Variants in SIPA1L1 observed in about 807,000 individuals in gnomAD.
SIPA1L1 encodes the protein signal induced proliferation associated 1 like 1.
In SIPA1L1, 26 loss-of-function variants were observed where a neutral mutation model predicts 162.7. The observed-to-expected ratio is 0.16, with a 90% CI of 0.12 to 0.22. SIPA1L1 has a LOEUF of 0.22. SIPA1L1 is among the 10% of genes least tolerant of loss of function. The pLI is 1.00. For synonymous variants in SIPA1L1, 829 were observed against 837.4 expected (o/e 0.99, Z 0.17); for missense variants, 1,874 against 2,241.0 (o/e 0.84, Z 3.31).
intron 2 of SIPA1L1, among the ~76,000 whole-genome samples, chr14:71,510,177 C>CTTTTTTTTTT (rs985233367): frequency 2.3e-3 from 181 of 77,498 alleles, no homozygotes; most frequent in East Asian, 3.7e-3. Context: ...TCCCCCCCAC[C>CTTTTTTTTTT]TTTTTTTTTT....
intron 2 of SIPA1L1, among the ~76,000 whole-genome samples, chr14:71,496,693 T>G (rs2049809983): frequency 6.6e-6 from 1 of 152,112 alleles, no homozygotes; most frequent in Admixed American, 6.6e-5. Flanking sequence ...GAGTGGAGTT[T>G]TGAAGTCTTC....
intron 2 of SIPA1L1, among the ~76,000 whole-genome samples, chr14:71,391,657 A>G (rs1361884591): frequency 1.3e-5 from 2 of 152,210 alleles, no homozygotes; most frequent in East Asian, 1.9e-4. Context: ...TAATGTGCCT[A>G]TGGTACTCTA....
intron 2 of SIPA1L1, among the ~76,000 whole-genome samples, chr14:71,473,294 A>G (rs1409419383): frequency 1.3e-5 from 2 of 152,200 alleles, no homozygotes; most frequent in African/African-American, 4.8e-5. Context: ...AACATAATAT[A>G]TAACTGTAAG....
At chr14:71,684,965 T>C (rs564672949) in intron 12 of SIPA1L1, among the ~76,000 whole-genome samples, 210 of 151,488 alleles carry the variant, frequency 1.4e-3, no homozygotes, top group Non-Finnish European at 2.5e-3. Flanking sequence ...AGAACCCAGT[T>C]GTGGTGTGCA....
chr14:71,350,373 A>G (rs574657037), intron 2 of SIPA1L1, among the ~76,000 whole-genome samples: 16 of 152,106 alleles, frequency 1.1e-4, no homozygotes, highest in South Asian at 4.1e-4. Context: ...GCACCACTGC[A>G]TTCCAGCCTG....
At chr14:71,675,409 A>G (rs1300190570) in intron 12 of SIPA1L1, among the ~76,000 whole-genome samples, 1 of 152,252 alleles carries the variant, frequency 6.6e-6, no homozygotes, top group South Asian at 2.1e-4. Context: ...TACAGTTTCC[A>G]TCTGAAAAGC....
intron 2 of SIPA1L1, among the ~76,000 whole-genome samples, chr14:71,434,912 A>G (rs1487044600): frequency 6.6e-6 from 1 of 152,210 alleles, no homozygotes; most frequent in Non-Finnish European, 1.5e-5. Context: ...TTATTTTTAC[A>G]CAAATGGTAG....
At chr14:71,448,964 A>G (rs1405705547) in intron 2 of SIPA1L1, 1 of 152,310 alleles carries the variant, frequency 6.6e-6, no homozygotes, top group Admixed American at 6.5e-5. Context: ...TCTCTTTAAA[A>G]GAATTGTTTT....
intron 2 of SIPA1L1, among the ~76,000 whole-genome samples, chr14:71,405,305 A>T (rs1244083729): frequency 6.6e-6 from 1 of 152,246 alleles, no homozygotes; most frequent in Non-Finnish European, 1.5e-5. Flanking sequence ...AACTTGGCTC[A>T]TTGGAAGGCA....
At chr14:71,444,224 G>A (rs578194760) in intron 2 of SIPA1L1, among the ~76,000 whole-genome samples, 17 of 152,206 alleles carry the variant, frequency 1.1e-4, no homozygotes, top group African/African-American at 3.6e-4. Flanking sequence ...AAGTAATACC[G>A]ATTGTTGCCT....
At chr14:71,691,692 C>G (rs1032180029) in intron 13 of SIPA1L1, among the ~76,000 whole-genome samples, 2 of 152,160 alleles carry the variant, frequency 1.3e-5, no homozygotes, top group Non-Finnish European at 2.9e-5. Flanking sequence ...CCTCTGCAAG[C>G]ACTATGTTCC....
intron 2 of SIPA1L1, among the ~76,000 whole-genome samples, chr14:71,505,414 C>G (rs2050578744): frequency 2.1e-5 from 3 of 139,678 alleles, no homozygotes; most frequent in Non-Finnish European, 4.7e-5. Context: ...ACAGCTCTCT[C>G]TTTCTTCTTT....
chr14:71,602,234 C>A (rs952588242), intron 5 of SIPA1L1, among the ~76,000 whole-genome samples: 1 of 152,044 alleles, frequency 6.6e-6, no homozygotes, highest in Non-Finnish European at 1.5e-5. Context: ...TTTGCCATAT[C>A]CCATCGGTTT....
chr14:71,707,999 A>G (rs1483817238), intron 16 of SIPA1L1, among the ~76,000 whole-genome samples: 8 of 136,998 alleles, frequency 5.8e-5, no homozygotes, highest in African/African-American at 2.2e-4. Flanking sequence ...TGCTTGTTGG[A>G]CATTTGTTTT....
chr14:71,724,392 G>A (rs1262405870), intron 18 of SIPA1L1, among the ~76,000 whole-genome samples: 1 of 152,170 alleles, frequency 6.6e-6, no homozygotes, highest in Admixed American at 6.5e-5. Context: ...CCCTGTGGTC[G>A]TTTAGTAAAT....
At chr14:71,505,241 T>G (rs2096462540) in intron 2 of SIPA1L1, among the ~76,000 whole-genome samples, 1 of 152,140 alleles carries the variant, frequency 6.6e-6, no homozygotes, top group South Asian at 2.1e-4. Context: ...CCCACCTCAT[T>G]TATTTAATAA....
intron 2 of SIPA1L1, among the ~76,000 whole-genome samples, chr14:71,357,400 G>A (rs1382948080): frequency 1.3e-5 from 2 of 152,180 alleles, no homozygotes; most frequent in Non-Finnish European, 2.9e-5. Flanking sequence ...CTGGTTGGTG[G>A]TAAGGCCGCC....
chr14:71,497,016 GA>G (rs1287263278), intron 2 of SIPA1L1, among the ~76,000 whole-genome samples: 1 of 151,932 alleles, frequency 6.6e-6, no homozygotes, highest in East Asian at 1.9e-4. Flanking sequence ...CTAAAATACA[GA>G]AATTAGCTGG....
rs1329693672 is a variant in SIPA1L1, at chr14:71,321,189, G to A, written c.-465+8G>A. On this transcript the variant is annotated splice_region_variant and intron_variant, in intron 2 of 23. Transcript: ENST00000381232. ...GGGAGGCCGGGCCGAGCGGTAAGTG[G>A]TCCCCGCGCCCGGGTCCTGGGGGGA... 2.0e-5 allele frequency: 3 copies of A among 152,150 alleles called. No homozygotes were observed. Among genetic ancestry groups the A allele is most frequent in the African/African-American group, 7.2e-5 (3 of 41,412 alleles). The allele number at this position is 152,150 out of a possible 1,614,324, so 9.4% of individuals were successfully genotyped here.
Sources: allele counts gnomAD v4.1 joint callset (sites outside exome capture counted in the v4.1 genomes callset), GRCh38; gene constraint gnomAD v4.1.1; transcripts MANE v1.5; gene names NCBI Gene and HGNC (gene_info 2026-07-23, HGNC 2026-07-21).